TRHDE: variants seen among roughly 807,000 people sequenced by gnomAD.
TRHDE encodes thyrotropin releasing hormone degrading enzyme, also known as thyrotropin-releasing hormone-degrading ectoenzyme.
TRHDE carries 72 observed loss-of-function variants against 125.7 expected under a neutral mutation model. The ratio of observed to expected loss-of-function variants is 0.57; its 90% CI spans 0.47 to 0.70. The LOEUF (loss-of-function observed/expected upper bound fraction) is 0.70, where lower values mean the gene tolerates loss of function less well. TRHDE is among the 30% of genes least tolerant of loss of function. The pLI is 0.00. For missense variants in TRHDE, 1,110 were observed against 1,327.1 expected, an observed-to-expected ratio of 0.84 and a Z score of 2.54; for synonymous variants, 509 against 509.1, an observed-to-expected ratio of 1.00 and a Z score of 0.00.
chr12:72,148,010 C>T (rs916068734), intron 2 of TRHDE, among the ~76,000 whole-genome samples: 10 of 152,210 alleles, frequency 6.6e-5, no homozygotes, highest in African/African-American at 2.4e-4. Flanking sequence ...TTGTACTTTG[C>T]AGTTTTCACA....
intron 2 of TRHDE, among the ~76,000 whole-genome samples, chr12:72,175,870 C>T (rs1309701579): frequency 6.6e-6 from 1 of 152,222 alleles, no homozygotes; most frequent in Non-Finnish European, 1.5e-5. Context: ...GAAGGATCAA[C>T]TCTGATCATA....
chr12:72,105,858 A>G (rs1230069759), intron 2 of TRHDE: 1 of 152,220 alleles, frequency 6.6e-6, no homozygotes, highest in Non-Finnish European at 1.5e-5. Context: ...TGAATTTAGT[A>G]GAGCAGTTAT....
intron 5 of TRHDE, among the ~76,000 whole-genome samples, chr12:72,493,057 C>A (rs143289809): frequency 1.3e-5 from 2 of 151,800 alleles, no homozygotes; most frequent in Non-Finnish European, 2.9e-5. Context: ...TTGCTTCTAA[C>A]GGAGGACCTC....
At chr12:72,446,339 A>C (rs577763646) in intron 3 of TRHDE, among the ~76,000 whole-genome samples, 1 of 151,880 alleles carries the variant, frequency 6.6e-6, no homozygotes, top group South Asian at 2.1e-4. Flanking sequence ...GGCCTGCCTT[A>C]GGAGAGCTCC....
intron 2 of TRHDE, among the ~76,000 whole-genome samples, chr12:72,183,690 G>T (rs1193727920): frequency 6.6e-6 from 1 of 152,210 alleles, no homozygotes; most frequent in Admixed American, 6.5e-5. Context: ...TGCAGAGTTT[G>T]GAGTCTAGTC....
At chr12:72,652,976 T>G (rs1432752126) in intron 16 of TRHDE, 40 bp from the exon 17 acceptor site, 1 of 1,552,854 alleles carries the variant, frequency 6.4e-7, no homozygotes, top group Non-Finnish European at 8.8e-7. Flanking sequence ...AATGTTTAAG[T>G]TATTGGACTA....
intron 12 of TRHDE, among the ~76,000 whole-genome samples, chr12:72,581,908 C>T (rs1177364828): frequency 6.6e-6 from 1 of 151,854 alleles, no homozygotes; most frequent in Non-Finnish European, 1.5e-5. Flanking sequence ...CAAGACCATC[C>T]TGGCTAACAT....
chr12:72,596,887 T>C (rs146544659), intron 12 of TRHDE, among the ~76,000 whole-genome samples: 1 of 152,334 alleles, frequency 6.6e-6, no homozygotes, highest in East Asian at 1.9e-4. Flanking sequence ...ATAGTATCTT[T>C]GTTAAATTTA....
intron 2 of TRHDE, among the ~76,000 whole-genome samples, chr12:72,333,535 G>A (rs1380168432): frequency 1.3e-5 from 2 of 152,166 alleles, no homozygotes; most frequent in Admixed American, 1.3e-4. Flanking sequence ...AAGATTTCTT[G>A]TTCTATGCAC....
chr12:72,489,185 C>T (rs1393482082), intron 5 of TRHDE, among the ~76,000 whole-genome samples: 1 of 145,834 alleles, frequency 6.9e-6, no homozygotes, highest in Non-Finnish European at 1.5e-5. Flanking sequence ...AATGGAAAAA[C>T]CATAGAAAAA....
At chr12:72,647,587 A>T (rs544686343) in intron 15 of TRHDE, among the ~76,000 whole-genome samples, 22 of 152,174 alleles carry the variant, frequency 1.4e-4, no homozygotes, top group African/African-American at 5.3e-4. Context: ...GAAATGAAGG[A>T]GTAGATATTA....
chr12:72,390,681 C>CTTA (rs1233340482), intron 3 of TRHDE, among the ~76,000 whole-genome samples: 6 of 152,212 alleles, frequency 3.9e-5, no homozygotes, highest in African/African-American at 1.4e-4. Flanking sequence ...CTTTTCAGAC[C>CTTA]TTACCATTGT....
At position 72,575,405 on chromosome 12, in the gene TRHDE, C is replaced by T; in HGVS notation, c.2265+17C>T. On this transcript the variant is annotated intron_variant, in intron 11 of 18. Coordinates refer to ENST00000261180, the MANE Select transcript of TRHDE (RefSeq NM_013381.3). Reference sequence around the variant, plus strand: ...AATCATGAGGTACACTCCAGATTTGCTTATCAAAGATAATTTTTGGTATGT... The same window carrying T: ...AATCATGAGGTACACTCCAGATTTGTTTATCAAAGATAATTTTTGGTATGT... 1 of 1,613,398 alleles carries T rather than the reference C, an allele frequency of 6.2e-7. No individual in the cohort carries two copies. Among genetic ancestry groups the T allele is most frequent in the Non-Finnish European group, 8.5e-7 (1 of 1,179,602 alleles).
At chr12:72,543,089 A>G (rs1869234624) in intron 7 of TRHDE, among the ~76,000 whole-genome samples, 1 of 151,378 alleles carries the variant, frequency 6.6e-6, no homozygotes, top group African/African-American at 2.4e-5. Context: ...TTTAAAGTAA[A>G]TTGATGTTCA....
chr12:72,248,278 C>T (rs1026271028), intron 2 of TRHDE, among the ~76,000 whole-genome samples: 3 of 152,010 alleles, frequency 2.0e-5, no homozygotes, highest in African/African-American at 4.8e-5. Context: ...ATTAGCTGGG[C>T]GTGGTGGCAC....
chr12:72,522,806 A>G (rs1361169516), intron 6 of TRHDE, among the ~76,000 whole-genome samples: 2 of 152,132 alleles, frequency 1.3e-5, no homozygotes, highest in African/African-American at 4.8e-5. Flanking sequence ...GAATTTAGGA[A>G]CATGCAGAGC....
chr12:72,151,913 T>C (rs1029001362), intron 2 of TRHDE, among the ~76,000 whole-genome samples: 2 of 151,670 alleles, frequency 1.3e-5, no homozygotes, highest in Non-Finnish European at 3.0e-5. Context: ...TTTAAAGTAG[T>C]TTTTTCCAAT....
rs185446729 is a variant in TRHDE at position 72,659,537 on chromosome 12, C to T, written c.3066+2529C>T. 2.0e-5 allele frequency among the ~76,000 whole-genome samples: 3 copies of T among 152,156 alleles called. No homozygotes were observed. The East Asian group carries it at 5.8e-4, about 29-fold the overall frequency. On this transcript the variant is annotated intron_variant, in intron 18 of 18. Coordinates refer to ENST00000261180, the MANE Select transcript of TRHDE (RefSeq NM_013381.3). ...TAATAGGGCAATAGTTAATTCTATT[C>T]ATTTACATAGTTATTAAGAGTATAT...
At chr12:72,640,305 G>A (rs1418161951) in intron 15 of TRHDE, among the ~76,000 whole-genome samples, 1 of 152,212 alleles carries the variant, frequency 6.6e-6, no homozygotes, top group Non-Finnish European at 1.5e-5. Flanking sequence ...GACAAGGAAA[G>A]GGAACTCCCT....
Sources: allele counts gnomAD v4.1 joint callset (sites outside exome capture counted in the v4.1 genomes callset), GRCh38; gene constraint gnomAD v4.1.1; transcripts MANE v1.5; gene names NCBI Gene and HGNC (gene_info 2026-07-23, HGNC 2026-07-21).